Variants in RPS6KA6 observed in about 807,000 individuals in gnomAD.
The protein encoded by RPS6KA6 is ribosomal protein S6 kinase A6, also known as ribosomal protein S6 kinase alpha-6.
In RPS6KA6, 27 loss-of-function variants were observed where a neutral mutation model predicts 65.4. That is an observed-to-expected ratio of 0.41 (90% confidence interval 0.30 to 0.57). The LOEUF (loss-of-function observed/expected upper bound fraction) is 0.57. RPS6KA6 is among the 20% of genes least tolerant of loss of function. The pLI is 0.24. For missense variants in RPS6KA6, 486 were observed against 555.6 expected (o/e 0.87, Z 1.26); for synonymous variants, 190 against 184.2 (o/e 1.03, Z -0.26).
intron 2 of RPS6KA6, among the ~76,000 whole-genome samples, chrX:84,159,482 G>T (rs2035476308): frequency 9.1e-6 from 1 of 110,497 alleles, no homozygotes; most frequent in Non-Finnish European, 1.9e-5. Flanking sequence ...TGATAAAGTT[G>T]TGCTATATCA....
chrX:84,097,085 C>A (rs1376750115), intron 19 of RPS6KA6, among the ~76,000 whole-genome samples: 1 of 111,083 alleles, frequency 9.0e-6, no homozygotes, highest in African/African-American at 3.3e-5. Flanking sequence ...ATACTAAATG[C>A]ACTCTTTAAA....
At chrX:84,071,633 A>C in intron 20 of RPS6KA6, among the ~76,000 whole-genome samples, 1 of 110,966 alleles carries the variant, frequency 9.0e-6, no homozygotes, top group Admixed American at 9.6e-5. Context: ...AATAGAGAAT[A>C]AAAAAAATGA....
intron 18 of RPS6KA6, 130 bp from the exon 19 acceptor site, chrX:84,097,978 T>C (rs2034189481): frequency 2.1e-6 from 1 of 468,397 alleles, no homozygotes; most frequent in Admixed American, 3.5e-5. Context: ...TATGCACTTG[T>C]AGTAAAGACA....
At chrX:84,170,611 C>T (rs1022279386) in intron 1 of RPS6KA6, among the ~76,000 whole-genome samples, 4 of 110,256 alleles carry the variant, frequency 3.6e-5, no homozygotes, top group African/African-American at 1.3e-4. Flanking sequence ...GCCTGGGCGA[C>T]AGAGTGAGAC....
At chrX:84,103,381 C>T (rs1004320036) in intron 17 of RPS6KA6, among the ~76,000 whole-genome samples, 2 of 110,907 alleles carry the variant, frequency 1.8e-5, no homozygotes, top group Non-Finnish European at 3.8e-5. Flanking sequence ...AAATGTAGGA[C>T]TGGTAAAAAA....
At chrX:84,151,405 A>C (rs2035323574) in intron 3 of RPS6KA6, among the ~76,000 whole-genome samples, 1 of 110,082 alleles carries the variant, frequency 9.1e-6, no homozygotes, top group Non-Finnish European at 1.9e-5. Flanking sequence ...TGGCAAATAT[A>C]CATTTGCCTA....
At chrX:84,081,356 T>G (rs769003165) in intron 20 of RPS6KA6, among the ~76,000 whole-genome samples, 19 of 111,511 alleles carry the variant, frequency 1.7e-4, no homozygotes, top group Admixed American at 6.7e-4. Context: ...ACAAATAAAC[T>G]AGAAAATCTA....
intron 8 of RPS6KA6, among the ~76,000 whole-genome samples, chrX:84,127,351 C>A (rs1269099630): frequency 9.0e-6 from 1 of 110,955 alleles, no homozygotes; most frequent in East Asian, 2.8e-4. Flanking sequence ...ATGAACTGCC[C>A]AGGGCCTGAT....
intron 20 of RPS6KA6, among the ~76,000 whole-genome samples, chrX:84,066,890 G>A (rs1205425172): frequency 9.0e-6 from 1 of 111,571 alleles, no homozygotes; most frequent in Non-Finnish European, 1.9e-5. Context: ...CTGGCATCAG[G>A]CTGGTGCCGC....
At chrX:84,124,802 C>A (rs752162224) in intron 8 of RPS6KA6, among the ~76,000 whole-genome samples, 3 of 111,213 alleles carry the variant, frequency 2.7e-5, no homozygotes, top group Non-Finnish European at 5.7e-5. Context: ...CATACAAGTG[C>A]AAGAAAGTTA....
intron 3 of RPS6KA6, among the ~76,000 whole-genome samples, chrX:84,153,771 T>G (rs1184954611): frequency 9.0e-6 from 1 of 111,013 alleles, no homozygotes; most frequent in African/African-American, 3.3e-5. Context: ...CCGCAAATGA[T>G]GTAACACTGA....
At chrX:84,183,661 G>A (rs749785866) in intron 1 of RPS6KA6, among the ~76,000 whole-genome samples, 98 of 111,089 alleles carry the variant, frequency 8.8e-4, no homozygotes, top group Non-Finnish European at 1.6e-3. Flanking sequence ...CCTTCTTTCA[G>A]AACATTTCCA....
chrX:84,064,037 G>A lies in RPS6KA6; in HGVS notation c.*240C>T, dbSNP rs191306814. On this transcript the variant is annotated 3_prime_UTR_variant, in exon 22 of 22. Transcript: ENST00000262752. ...AAGCTTGTGTGCAGAGAAGTTGTGA[G>A]GACCTGGTGGACACCAATTATATGC... The A allele has an allele frequency of 2.7e-5, 8 of 298,159 alleles. No homozygotes were observed. The Admixed American group carries it at 4.6e-4, about 17-fold the overall frequency. The allele number at this position is 298,159 out of a possible 1,213,427, so 24.6% of individuals were successfully genotyped here.
intron 1 of RPS6KA6, among the ~76,000 whole-genome samples, chrX:84,178,610 AATT>A (rs2035803219): frequency 1.8e-5 from 2 of 111,613 alleles, no homozygotes; most frequent in African/African-American, 3.3e-5. Flanking sequence ...AATTCATTAA[AATT>A]ATTATGAAAA....
chrX:84,082,333 A>T (rs981932676), intron 20 of RPS6KA6, among the ~76,000 whole-genome samples: 3 of 111,495 alleles, frequency 2.7e-5, no homozygotes, highest in Non-Finnish European at 5.6e-5. Flanking sequence ...TAATGGGGGA[A>T]CTCCTATTCA....
At chrX:84,146,839 AT>A (rs3216051) in intron 5 of RPS6KA6, 138 bp downstream of exon 5, 24,089 of 345,261 alleles carry the variant, frequency 0.07, 977 homozygotes, top group East Asian at 0.26. Flanking sequence ...AGACAAATAC[AT>A]TTTACGTAGC....
chrX:84,153,079 T>C (rs1175905809), intron 3 of RPS6KA6, among the ~76,000 whole-genome samples: 2 of 111,235 alleles, frequency 1.8e-5, no homozygotes, highest in Non-Finnish European at 3.8e-5. Flanking sequence ...AGATCACACA[T>C]ATTTAAATGC....
At chrX:84,067,467 T>G (rs1428092981) in intron 20 of RPS6KA6, among the ~76,000 whole-genome samples, 2 of 111,619 alleles carry the variant, frequency 1.8e-5, no homozygotes, top group Admixed American at 1.9e-4. Flanking sequence ...GCAAGAGAAC[T>G]TCGTGAAGCA....
intron 18 of RPS6KA6, 30 bp from the exon 19 acceptor site, chrX:84,097,878 T>A: frequency 1.0e-6 from 1 of 986,982 alleles, no homozygotes. Context: ...TATATGGTGT[T>A]ACTCAATATA....
Sources: allele counts gnomAD v4.1 joint callset (sites outside exome capture counted in the v4.1 genomes callset), GRCh38; gene constraint gnomAD v4.1.1; transcripts MANE v1.5; gene names NCBI Gene and HGNC (gene_info 2026-07-23, HGNC 2026-07-21).